Variants in LMO1 observed in about 807,000 individuals in gnomAD.
The protein encoded by LMO1 is rhombotin-1.
LMO1 carries 10 observed loss-of-function variants against 18.0 expected under a neutral mutation model. The ratio of observed to expected loss-of-function variants is 0.55; its 90% CI spans 0.34 to 0.94. LMO1 has a LOEUF of 0.94. Among genes scored for constraint, LMO1 ranks in the 40% least tolerant of loss-of-function variants. The probability of loss-of-function intolerance (pLI) is 0.02; values close to 1 mark genes in which losing one functional copy is unlikely to be tolerated. For missense variants in LMO1, 183 were observed against 205.7 expected, an observed-to-expected ratio of 0.89 and a Z score of 0.68; for synonymous variants, 77 against 77.9, an observed-to-expected ratio of 0.99 and a Z score of 0.06.
chr11:8,263,426 C>A lies in LMO1; in HGVS notation c.-64G>T. 6.3e-7 allele frequency: 1 copy of A among 1,587,062 alleles called. No individual in the cohort carries two copies. The highest frequency in any genetic ancestry group is 8.5e-7 in the Non-Finnish European group (1 of 1,172,440). On this transcript the variant is annotated 5_prime_UTR_variant, in exon 1 of 4. Transcript: ENST00000335790. ...GGGAGAAGGGCGCCGACTCGGGGCGCGCTTTGGAGGGGCGGCCGGTCTTCG... is the reference window on the plus strand; with the variant it reads ...GGGAGAAGGGCGCCGACTCGGGGCGAGCTTTGGAGGGGCGGCCGGTCTTCG...
intron 1 of LMO1, among the ~76,000 whole-genome samples, chr11:8,252,417 A>G (rs1046680917): frequency 5.3e-5 from 8 of 152,142 alleles, no homozygotes; most frequent in Non-Finnish European, 1.0e-4. Context: ...ATGGCAGGCC[A>G]CCTTCTAAGA....
At chr11:8,226,892 C>T (rs917690054) in intron 3 of LMO1, 83 bp downstream of exon 3, 114 of 1,509,958 alleles carry the variant, frequency 7.5e-5, no homozygotes, top group Non-Finnish European at 9.8e-5. Context: ...TGCGTGCACG[C>T]CTCCGCCGTG....
chr11:8,244,979 C>G (rs553826600), intron 1 of LMO1, among the ~76,000 whole-genome samples: 57 of 152,362 alleles, frequency 3.7e-4, no homozygotes, highest in African/African-American at 1.3e-3. Flanking sequence ...CTCTTCACCC[C>G]TCCTCGTGTG....
At chr11:8,226,902 G>C in intron 3 of LMO1, 73 bp downstream of exon 3, 1 of 1,538,224 alleles carries the variant, frequency 6.5e-7, no homozygotes. Context: ...CCTCCGCCGT[G>C]CTCCTGGCCC....
At chr11:8,263,235 A>G in intron 1 of LMO1, 103 bp downstream of exon 1, 2 of 1,142,280 alleles carry the variant, frequency 1.8e-6, no homozygotes, top group Non-Finnish European at 2.3e-6. Context: ...CAATCCCCGC[A>G]CAGCCCAGCA....
intron 1 of LMO1, among the ~76,000 whole-genome samples, chr11:8,244,582 C>T (rs1846863176): frequency 6.6e-6 from 1 of 152,238 alleles, no homozygotes; most frequent in Admixed American, 6.5e-5. Context: ...CCTCTCTCCC[C>T]ATTATGTTCT....
intron 2 of LMO1, among the ~76,000 whole-genome samples, chr11:8,229,567 C>T (rs898614967): frequency 6.6e-6 from 1 of 152,222 alleles, no homozygotes; most frequent in South Asian, 2.1e-4. Flanking sequence ...TCATAAATGG[C>T]CTCAGGGAGG....
chr11:8,243,564 G>A (rs1284273037), intron 1 of LMO1, among the ~76,000 whole-genome samples: 2 of 152,212 alleles, frequency 1.3e-5, no homozygotes, highest in Non-Finnish European at 2.9e-5. Context: ...GGGTGGGCCG[G>A]CTGCTGGGCA....
At chr11:8,243,233 A>AAG (rs77930219) in intron 1 of LMO1, among the ~76,000 whole-genome samples, 10,231 of 152,150 alleles carry the variant, frequency 0.067, 432 homozygotes, top group South Asian at 0.18. Flanking sequence ...AGACCTGGAT[A>AAG]AGAGAGAGAG....
chr11:8,266,802 C>T (rs1189988962), upstream of LMO1, among the ~76,000 whole-genome samples: 1 of 152,218 alleles, frequency 6.6e-6, no homozygotes, highest in Non-Finnish European at 1.5e-5. Context: ...GTGCCTCAGC[C>T]AGAGGGCCTG....
At chr11:8,250,850 A>G (rs977957750) in intron 1 of LMO1, among the ~76,000 whole-genome samples, 2 of 152,194 alleles carry the variant, frequency 1.3e-5, no homozygotes, top group African/African-American at 4.8e-5. Flanking sequence ...AAAAGGATGT[A>G]ATTGGGGTAC....
At chr11:8,258,208 A>G (rs953809790) in intron 1 of LMO1, among the ~76,000 whole-genome samples, 6 of 152,122 alleles carry the variant, frequency 3.9e-5, no homozygotes, top group South Asian at 2.1e-4. Flanking sequence ...ACATCTTCCA[A>G]TCTTCTCAAT....
intron 1 of LMO1, among the ~76,000 whole-genome samples, chr11:8,234,447 C>A (rs938150023): frequency 6.6e-6 from 1 of 152,170 alleles, no homozygotes; most frequent in Non-Finnish European, 1.5e-5. Context: ...CCTGTCCCAG[C>A]CCAGCTGCCC....
intron 1 of LMO1, among the ~76,000 whole-genome samples, chr11:8,247,419 G>A (rs1286195238): frequency 6.6e-6 from 1 of 152,218 alleles, no homozygotes; most frequent in Non-Finnish European, 1.5e-5. Context: ...ACCATGCCCA[G>A]ACTAGGGACA....
At position 8,226,802 on chromosome 11, in the gene LMO1, T is replaced by C. The variant is rs113106152; in HGVS notation, c.365+173A>G. On this transcript the variant is annotated intron_variant, in intron 3 of 3. Transcript: ENST00000335790. Reference sequence around the variant, plus strand: ...AGTGCACACATTTGGCTACCGAGCTTACACACACATAAAACACATAAAGCA... The same window carrying C: ...AGTGCACACATTTGGCTACCGAGCTCACACACACATAAAACACATAAAGCA... 2.2e-4 allele frequency: 279 copies of C among 1,271,154 alleles called. 1 individual carries two copies. In the African/African-American group the frequency reaches 3.4e-3, roughly 16 times the overall value. 78.7% of individuals were successfully genotyped at this position (1,271,154 alleles called of 1,614,324 possible).
chr11:8,251,288 G>A (rs1044206834), intron 1 of LMO1, among the ~76,000 whole-genome samples: 1 of 152,220 alleles, frequency 6.6e-6, no homozygotes, highest in Non-Finnish European at 1.5e-5. Flanking sequence ...TGTGGATGCA[G>A]CAGTTCTGGC....
At chr11:8,230,161 A>T in intron 2 of LMO1, 130 bp downstream of exon 2, 2 of 794,822 alleles carry the variant, frequency 2.5e-6, no homozygotes, top group Non-Finnish European at 4.1e-6. Flanking sequence ...GGGCAGGGGC[A>T]GGACAGTCAA....
At chr11:8,257,499 G>A (rs11605629) in intron 1 of LMO1, among the ~76,000 whole-genome samples, 26,452 of 152,228 alleles carry the variant, frequency 0.17, 3,959 homozygotes, top group African/African-American at 0.41. Context: ...CACGTGGTCC[G>A]TGGTCCCAGT....
intron 3 of LMO1, among the ~76,000 whole-genome samples, chr11:8,225,987 G>A (rs1952532408): frequency 6.6e-6 from 1 of 152,246 alleles, no homozygotes; most frequent in South Asian, 2.1e-4. Context: ...CAGGGCTAGG[G>A]CACAGAGTTG....
Sources: allele counts gnomAD v4.1 joint callset (sites outside exome capture counted in the v4.1 genomes callset), GRCh38; gene constraint gnomAD v4.1.1; transcripts MANE v1.5; gene names NCBI Gene and HGNC (gene_info 2026-07-23, HGNC 2026-07-21).